Variants in CCDC175 observed in about 807,000 individuals in gnomAD.
The protein encoded by CCDC175 is coiled-coil domain-containing protein 175.
Under a neutral mutation model 114.6 loss-of-function variants are expected in CCDC175, and 100 were observed. The ratio of observed to expected loss-of-function variants is 0.87; its 90% CI spans 0.74 to 1.03. The LOEUF is 1.03. Ranked by LOEUF, CCDC175 falls within the 50% of genes least tolerant of loss-of-function variation. The pLI is 0.00. For missense variants in CCDC175, 880 were observed against 917.8 expected (o/e 0.96, Z 0.53); for synonymous variants, 306 against 308.7 (o/e 0.99, Z 0.09).
chr14:59,520,463 C>T lies in CCDC175; in HGVS notation c.2098+1111G>A, dbSNP rs549272907. Among the ~76,000 whole-genome samples, 10 of 152,274 alleles carry T rather than the reference C, an allele frequency of 6.6e-5. No homozygotes were observed. The South Asian group carries it at 2.1e-3, about 32-fold the overall frequency. On this transcript the variant is annotated intron_variant, in intron 17 of 19. Transcript: ENST00000537690. ...TATATTTCCTATAAAGTTAATCATACACTAATTGCTATATAATTCAGCAAT... is the reference window on the plus strand; with the variant it reads ...TATATTTCCTATAAAGTTAATCATATACTAATTGCTATATAATTCAGCAAT...
intron 8 of CCDC175, among the ~76,000 whole-genome samples, chr14:59,550,324 A>G (rs1026053396): frequency 1.3e-5 from 2 of 151,880 alleles, no homozygotes; most frequent in African/African-American, 4.8e-5. Context: ...CTCACCCCCA[A>G]TTTTTCACTA....
At chr14:59,551,477 A>C in intron 7 of CCDC175, 41 bp from the exon 8 acceptor site, 1 of 1,099,858 alleles carries the variant, frequency 9.1e-7, no homozygotes, top group African/African-American at 1.6e-5. Context: ...ATAAGAACAT[A>C]CTTTTGAATT....
intron 17 of CCDC175, among the ~76,000 whole-genome samples, chr14:59,520,263 C>T (rs1025604594): frequency 1.3e-5 from 2 of 152,154 alleles, no homozygotes; most frequent in African/African-American, 4.8e-5. Flanking sequence ...CCATTACATA[C>T]CTATTAAAAT....
intron 3 of CCDC175, among the ~76,000 whole-genome samples, chr14:59,570,973 C>A (rs1896814880): frequency 6.6e-6 from 1 of 151,986 alleles, no homozygotes; most frequent in African/African-American, 2.4e-5. Flanking sequence ...AAACTCCTGA[C>A]CTTGTGATCC....
At chr14:59,552,822 C>G (rs1453989320) in intron 7 of CCDC175, among the ~76,000 whole-genome samples, 3 of 152,180 alleles carry the variant, frequency 2.0e-5, no homozygotes, top group African/African-American at 4.8e-5. Flanking sequence ...GACAAATGCA[C>G]AAGCTTCAGT....
chr14:59,551,908 G>C (rs967174083), intron 7 of CCDC175, among the ~76,000 whole-genome samples: 1 of 152,218 alleles, frequency 6.6e-6, no homozygotes, highest in Admixed American at 6.5e-5. Context: ...CAAGGCAGCA[G>C]CGAGGCTGGG....
At chr14:59,539,118 T>A (rs533645369) in intron 11 of CCDC175, among the ~76,000 whole-genome samples, 2 of 152,232 alleles carry the variant, frequency 1.3e-5, no homozygotes, top group Middle Eastern at 6.8e-3. Flanking sequence ...AGGTAAAGGA[T>A]AGAAATGAGG....
chr14:59,560,140 T>C (rs536972492), intron 7 of CCDC175, among the ~76,000 whole-genome samples: 94 of 152,224 alleles, frequency 6.2e-4, no homozygotes, highest in African/African-American at 2.1e-3. Flanking sequence ...ATACTGAAGA[T>C]AAAGATTATT....
At chr14:59,558,419 C>T (rs1192940523) in intron 7 of CCDC175, among the ~76,000 whole-genome samples, 1 of 152,114 alleles carries the variant, frequency 6.6e-6, no homozygotes, top group Non-Finnish European at 1.5e-5. Context: ...CACGGCTGTT[C>T]AGGCTAAAGC....
chr14:59,525,978 T>C (rs1409249937), intron 15 of CCDC175, among the ~76,000 whole-genome samples: 1 of 152,134 alleles, frequency 6.6e-6, no homozygotes, highest in African/African-American at 2.4e-5. Flanking sequence ...CAATCCCCCA[T>C]AGATATCAAG....
intron 10 of CCDC175, 50 bp from the exon 11 acceptor site, chr14:59,540,796 A>C (rs1894739173): frequency 5.7e-6 from 8 of 1,404,730 alleles, no homozygotes; most frequent in Non-Finnish European, 7.7e-6. Flanking sequence ...CTGTTAGAAT[A>C]TACAATAGAC....
rs1334479625 is a variant in CCDC175, at chr14:59,571,777, T to C, written c.355+925A>G. Among the ~76,000 whole-genome samples the C allele has an allele frequency of 2.6e-5, 4 of 151,898 alleles. No homozygotes were observed. The South Asian group carries it at 8.3e-4, about 32-fold the overall frequency. On this transcript the variant is annotated intron_variant, in intron 3 of 19. Coordinates refer to ENST00000537690, the MANE Select transcript of CCDC175 (RefSeq NM_001164399.2). ...GATCTGACCCCAGTAAAAAAAAAAA[T>C]TGAATGTACAATACAATCTAGCAAT...
At chr14:59,554,723 A>G (rs1295147282) in intron 7 of CCDC175, among the ~76,000 whole-genome samples, 6 of 152,146 alleles carry the variant, frequency 3.9e-5, no homozygotes, top group South Asian at 2.1e-4. Flanking sequence ...TGCTAGCAAG[A>G]CTAATAAAGA....
intron 16 of CCDC175, among the ~76,000 whole-genome samples, chr14:59,523,757 A>G (rs1268002819): frequency 6.6e-6 from 1 of 152,190 alleles, no homozygotes; most frequent in Admixed American, 6.5e-5. Context: ...TGGGAGGCCG[A>G]GGCGGGCGGA....
intron 14 of CCDC175, among the ~76,000 whole-genome samples, chr14:59,528,830 ATT>A (rs1893897950): frequency 6.6e-6 from 1 of 151,960 alleles, no homozygotes; most frequent in Admixed American, 6.6e-5. Context: ...GAATTTTAAC[ATT>A]TGTTATTATA....
At chr14:59,532,371 T>C (rs902263047) in intron 13 of CCDC175, among the ~76,000 whole-genome samples, 2 of 152,208 alleles carry the variant, frequency 1.3e-5, no homozygotes, top group African/African-American at 2.4e-5. Flanking sequence ...AAGCAAAACA[T>C]GAAGATGCCT....
chr14:59,557,496 T>G, intron 7 of CCDC175, among the ~76,000 whole-genome samples: 2 of 149,072 alleles, frequency 1.3e-5, no homozygotes, highest in Admixed American at 1.3e-4. Context: ...GGGATAGCAT[T>G]AGGAGATATA....
At chr14:59,526,524 C>T (rs893944776) in intron 15 of CCDC175, among the ~76,000 whole-genome samples, 13 of 148,298 alleles carry the variant, frequency 8.8e-5, no homozygotes, top group Admixed American at 6.8e-5. Context: ...CCACTGCACT[C>T]GAGCCTGGGC....
chr14:59,539,655 T>C (rs1461654582), intron 11 of CCDC175, among the ~76,000 whole-genome samples: 2 of 152,076 alleles, frequency 1.3e-5, no homozygotes, highest in African/African-American at 4.8e-5. Context: ...GGCTCATGCC[T>C]GTAATCCCAG....
Sources: gnomAD v4.1 joint callset for allele counts (sites outside exome capture counted in the v4.1 genomes callset) on GRCh38, gnomAD v4.1.1 for gene constraint, MANE v1.5 for transcripts, NCBI Gene and HGNC (gene_info 2026-07-23, HGNC 2026-07-21) for gene names.